DAPK3: variants seen among roughly 807,000 people sequenced by gnomAD.
DAPK3 encodes the protein death associated protein kinase 3, also known as death-associated protein kinase 3.
In DAPK3, 24 loss-of-function variants were observed where a neutral mutation model predicts 30.6. The ratio of observed to expected loss-of-function variants is 0.78; its 90% confidence interval spans 0.57 to 1.10. The LOEUF (loss-of-function observed/expected upper bound fraction) is 1.10. Among genes scored for constraint, DAPK3 ranks in the 50% least tolerant of loss-of-function variants. The pLI, the probability that DAPK3 is intolerant of heterozygous loss-of-function variation, is 0.00. For missense variants in DAPK3, 629 were observed against 657.3 expected (o/e 0.96, Z 0.47); for synonymous variants, 341 against 284.0 (o/e 1.20, Z -2.02).
chr19:3,961,271 T>G (rs977960681), intron 6 of DAPK3, 110 bp from the exon 7 acceptor site: 6 of 865,942 alleles, frequency 6.9e-6, no homozygotes, highest in Admixed American at 3.9e-5. Flanking sequence ...TGACGGCAGG[T>G]GCCTGGGCCA....
intron 2 of DAPK3, among the ~76,000 whole-genome samples, chr19:3,968,453 C>T (rs772428223): frequency 3.3e-5 from 5 of 149,322 alleles, no homozygotes; most frequent in Non-Finnish European, 5.9e-5. Flanking sequence ...CCAGCCTGGG[C>T]GACAGAATGA....
chr19:3,964,969 TCCGCAC>T lies in DAPK3; in HGVS notation c.79_84del (p.Val27_Arg28del). 6.2e-7 allele frequency: 1 copy of T among 1,607,028 alleles called. No individual in the cohort carries two copies. The highest frequency in any genetic ancestry group is 8.5e-7 in the Non-Finnish European group (1 of 1,175,864). On this transcript the variant is annotated inframe_deletion, in exon 3 of 9. Coordinates refer to ENST00000545797, the MANE Select transcript of DAPK3 (RefSeq NM_001348.3). ...TTGCCCGTGCCCTTCTGCCGGCACTTCCGCACGATCGCAAACTGGCCGCTGGAGGAG... is the reference window on the plus strand; with the variant it reads ...TTGCCCGTGCCCTTCTGCCGGCACTTGATCGCAAACTGGCCGCTGGAGGAG...
chr19:3,970,696 C>A (rs76341517), intron 1 of DAPK3: 9,274 of 152,880 alleles, frequency 0.061, 421 homozygotes, highest in South Asian at 0.13. Context: ...CCAAAAAGGG[C>A]CCCATCTGAG....
intron 8 of DAPK3, 139 bp downstream of exon 8, chr19:3,959,920 C>T (rs537470732): frequency 1.4e-6 from 1 of 710,678 alleles, no homozygotes; most frequent in South Asian, 1.6e-5. Context: ...CCCCGCCACA[C>T]AGGCTCACTC....
chr19:3,959,814 G>A (rs2039484428), intron 8 of DAPK3, 177 bp from the exon 9 acceptor site: 2 of 753,978 alleles, frequency 2.7e-6, no homozygotes, highest in Non-Finnish European at 4.2e-6. Flanking sequence ...AAAACGCTGC[G>A]GCCCTGGCCC....
At chr19:3,962,181 T>C (rs1447406226) in intron 6 of DAPK3, among the ~76,000 whole-genome samples, 2 of 152,202 alleles carry the variant, frequency 1.3e-5, no homozygotes, top group Admixed American at 1.3e-4. Context: ...GTGATTAGCG[T>C]AGCACCAAGG....
chr19:3,959,154 C>T lies in DAPK3; in HGVS notation c.1312G>A (p.Val438Met), dbSNP rs376921546. The change falls in exon 9 of 9, where the codon GTG becomes ATG. Residue 438 changes from valine to methionine, a missense_variant. Physicochemically the swap from Val to Met is conservative, Grantham distance 21. Transcript: ENST00000545797. ...AGCTTCTCCTGCTCCAGGGCGCGCACGAGGTCCTGCACGAAGCGCATCTCG... is the reference window on the plus strand; with the variant it reads ...AGCTTCTCCTGCTCCAGGGCGCGCATGAGGTCCTGCACGAAGCGCATCTCG... The part of the protein sequence containing the change: ...ASEMRFVQDL[V>M]RALEQEKLQG... 5.0e-6 allele frequency: 8 copies of T among 1,588,192 alleles called. No individual in the cohort carries two copies. Among genetic ancestry groups the T allele is most frequent in the African/African-American group, 4.0e-5 (3 of 74,562 alleles).
chr19:3,959,538 G>A lies in DAPK3; in HGVS notation c.928C>T (p.His310Tyr), dbSNP rs1160916334. 6.3e-7 allele frequency: 1 copy of A among 1,576,570 alleles called. No individual in the cohort carries two copies. The highest frequency in any genetic ancestry group is 1.3e-5 in the African/African-American group (1 of 74,866). ...TRLKEYTIKS[H>Y]SSLPPNNSYA... ...CTGTTGTTGGGCGGCAAGCTGGAGT[G>A]CGACTTGATGGTGTACTCCTTCAGA... is the stretch of plus-strand genomic sequence containing the variant. Residue 310 changes from histidine to tyrosine, a missense_variant, in exon 9 of 9, where the codon CAC becomes TAC. Around this residue, in one of 2 missense-constraint regions of DAPK3, gnomAD observed 323 missense variants for 278.8 expected, o/e 1.16. Transcript: ENST00000545797.
At chr19:3,969,067 C>A (rs529923844) in intron 2 of DAPK3, among the ~76,000 whole-genome samples, 19 of 152,316 alleles carry the variant, frequency 1.2e-4, no homozygotes, top group African/African-American at 2.6e-4. Flanking sequence ...TCCCTCCCCC[C>A]ACTTTAAACA....
chr19:3,964,298 T>C lies in DAPK3; in HGVS notation c.499A>G (p.Lys167Glu), dbSNP rs2039551055. 2.5e-6 allele frequency: 4 copies of C among 1,613,652 alleles called. No homozygotes were observed. The highest frequency in any genetic ancestry group is 3.4e-6 in the Non-Finnish European group (4 of 1,179,606). ...IKLIDFGIAH[K>E]IEAGNEFKNI... The stretch of plus-strand genomic sequence containing the variant: ...TTGAACTCGTTCCCCGCCTCGATCT[T>C]GTGCGCGATGCCGAAGTCGATGAGC... Residue 167 changes from lysine to glutamate, a missense_variant, in exon 4 of 9, where the codon AAG (lysine) becomes GAG (glutamate). Physicochemically the swap from Lys to Glu is moderately conservative, Grantham distance 56 (BLOSUM62 1). Coordinates refer to ENST00000545797, the MANE Select transcript of DAPK3 (RefSeq NM_001348.3).
rs994931690 is a variant in DAPK3, at chr19:3,960,044, C to T, written c.828+15G>A. 2.1e-6 allele frequency: 3 copies of T among 1,448,462 alleles called. No homozygotes were observed. Among genetic ancestry groups the T allele is most frequent in the Non-Finnish European group, 2.9e-6 (3 of 1,030,000 alleles). The allele number at this position is 1,448,462 out of a possible 1,614,324, so 89.7% of individuals were successfully genotyped here. A position where few individuals can be genotyped will look rare whatever the true frequency, so the allele number is the denominator to read the frequency against. ...AGGCGGGAAGCCCAGGGAGCTCCCC[C>T]ACCTCCCCACTTACCTTAATCCAGG... is the stretch of plus-strand genomic sequence containing the variant. On this transcript the variant is annotated intron_variant, in intron 8 of 8. Coordinates refer to ENST00000545797, the MANE Select transcript of DAPK3 (RefSeq NM_001348.3).
intron 2 of DAPK3, among the ~76,000 whole-genome samples, chr19:3,967,622 G>T (rs910006101): frequency 1.1e-4 from 17 of 152,178 alleles, no homozygotes; most frequent in Non-Finnish European, 2.4e-4. Context: ...GAGCACGTTG[G>T]TGGGCGCCTG....
rs111730532 is a variant in DAPK3 at position 3,969,727 on chromosome 19, C to A, written c.9G>T (p.Thr3=). The A allele has an allele frequency of 2.4e-5, 39 of 1,611,932 alleles. 1 individual carries two copies. In the African/African-American group the frequency reaches 3.6e-4, roughly 15 times the overall value. ...GGTCCTCCACGTCCTCCTGCCTGAA[C>A]GTGGACATGGCGGCCGGTCCGCCTT... MS[T]FRQEDVEDHY... is the part of the protein sequence containing the mutation. Residue 3 remains threonine, a synonymous_variant, in exon 2 of 9, where the codon ACG becomes ACT. Coordinates refer to ENST00000545797, the MANE Select transcript of DAPK3 (RefSeq NM_001348.3).
Position 3,966,026 on chromosome 19 carries a change from C to T in DAPK3, c.63-1035G>A, listed in dbSNP as rs542874474. Among the ~76,000 whole-genome samples, 9 of 152,164 alleles carry T rather than the reference C, an allele frequency of 5.9e-5. No individual in the cohort carries two copies. The South Asian group carries it at 1.7e-3, about 28-fold the overall frequency. ...TTTGGAACTCCTGGCCTCAAGAGATCCTCCCACTCCCCCACCCCAAGTGTT... is the reference window on the plus strand; with the variant it reads ...TTTGGAACTCCTGGCCTCAAGAGATTCTCCCACTCCCCCACCCCAAGTGTT... On this transcript the variant is annotated intron_variant, in intron 2 of 8. Transcript: ENST00000545797.
chr19:3,969,369 A>G (rs977313499), intron 2 of DAPK3, among the ~76,000 whole-genome samples: 17 of 152,008 alleles, frequency 1.1e-4, no homozygotes, highest in Non-Finnish European at 2.2e-4. Flanking sequence ...CAGAAGACAC[A>G]TCTTTTAATA....
intron 1 of DAPK3, among the ~76,000 whole-genome samples, chr19:3,970,222 G>A (rs554247501): frequency 1.3e-5 from 2 of 152,212 alleles, no homozygotes; most frequent in Admixed American, 6.5e-5. Context: ...TTACTCCCTG[G>A]CCAATGTCTT....
At chr19:3,967,814 G>C (rs1428367921) in intron 2 of DAPK3, among the ~76,000 whole-genome samples, 3 of 152,086 alleles carry the variant, frequency 2.0e-5, no homozygotes, top group Admixed American at 6.6e-5. Context: ...ATGTATCTCT[G>C]AGAATGTTCC....
At chr19:3,966,357 AAAGGGGTGG>A (rs2039577165) in intron 2 of DAPK3, among the ~76,000 whole-genome samples, 3 of 152,138 alleles carry the variant, frequency 2.0e-5, no homozygotes, top group Admixed American at 2.0e-4. Flanking sequence ...GTGGCCCAGG[AAAGGGGTGG>A]AAGGGGACAC....
chr19:3,959,326 C>G lies in DAPK3; in HGVS notation c.1140G>C (p.Arg380Ser). The G allele has an allele frequency of 6.3e-7, 1 of 1,593,116 alleles. No individual in the cohort carries two copies. Reference sequence around the variant, plus strand: ...CGGTCTTGAGCAGCTCCTGCCGTAGCCTCCGCAGGTCCTGGCCCAGGCTGT... The same window carrying G: ...CGGTCTTGAGCAGCTCCTGCCGTAGGCTCCGCAGGTCCTGGCCCAGGCTGT... The part of the protein sequence containing the change: ...ESDSLGQDLR[R>S]LRQELLKTEA... The change falls in exon 9 of 9, where the codon AGG becomes AGC. Residue 380 changes from arginine to serine, a missense_variant. Around this residue, in one of 2 missense-constraint regions of DAPK3, gnomAD observed 323 missense variants for 278.8 expected, o/e 1.16. Coordinates refer to ENST00000545797, the MANE Select transcript of DAPK3 (RefSeq NM_001348.3).
Sources: gnomAD v4.1 joint callset for allele counts (sites outside exome capture counted in the v4.1 genomes callset) on GRCh38, gnomAD v4.1.1 for gene constraint, gnomAD v4.1.1 regional missense constraint, MANE v1.5 for transcripts, NCBI Gene and HGNC (gene_info 2026-07-23, HGNC 2026-07-21) for gene names.